Variants in UBE2H observed in about 807,000 individuals in gnomAD.
The protein encoded by UBE2H is ubiquitin-conjugating enzyme E2 H.
UBE2H carries 3 observed loss-of-function variants against 29.0 expected under a neutral mutation model. The ratio of observed to expected loss-of-function variants is 0.10; its 90% CI spans 0.05 to 0.27. The LOEUF (loss-of-function observed/expected upper bound fraction) is 0.27, where lower values mean the gene tolerates loss of function less well. UBE2H is among the 10% of genes least tolerant of loss of function. The probability of loss-of-function intolerance (pLI) is 1.00; values close to 1 mark genes in which losing one functional copy is unlikely to be tolerated. For synonymous variants in UBE2H, 69 were observed against 82.9 expected, an observed-to-expected ratio of 0.83 and a Z score of 0.91; for missense variants, 68 against 228.2, an observed-to-expected ratio of 0.30 and a Z score of 4.52.
At chr7:129,884,422 A>G (rs1354524466) in intron 1 of UBE2H, among the ~76,000 whole-genome samples, 1 of 151,918 alleles carries the variant, frequency 6.6e-6, no homozygotes, top group African/African-American at 2.4e-5. Context: ...ATCTCAAAAA[A>G]AAAAAAAAAA....
At chr7:129,945,404 GGAT>G (rs1261074113) in intron 1 of UBE2H, among the ~76,000 whole-genome samples, 1 of 152,072 alleles carries the variant, frequency 6.6e-6, no homozygotes, top group Non-Finnish European at 1.5e-5. Flanking sequence ...CCTAAATTGA[GGAT>G]CACCATTATC....
chr7:129,877,155 C>T (rs1026383536), intron 3 of UBE2H, among the ~76,000 whole-genome samples: 3 of 152,076 alleles, frequency 2.0e-5, no homozygotes. Context: ...CACAAACACA[C>T]AAAATAGAAC....
chr7:129,861,702 G>A (rs963201719), intron 3 of UBE2H, among the ~76,000 whole-genome samples: 1 of 152,128 alleles, frequency 6.6e-6, no homozygotes, highest in Admixed American at 6.5e-5. Flanking sequence ...GACCAGCCTG[G>A]CCAACATGGT....
intron 1 of UBE2H, among the ~76,000 whole-genome samples, chr7:129,924,616 T>TCTCACACACA (rs1554439772): frequency 6.9e-6 from 1 of 143,924 alleles, no homozygotes; most frequent in Non-Finnish European, 1.5e-5. Context: ...CCTTTTACAT[T>TCTCACACACA]CACACACACA....
At chr7:129,852,158 C>T (rs991413707) in intron 5 of UBE2H, among the ~76,000 whole-genome samples, 4 of 152,294 alleles carry the variant, frequency 2.6e-5, no homozygotes, top group Non-Finnish European at 4.4e-5. Context: ...TGTGTAGTTA[C>T]ACTAAAATGT....
chr7:129,930,772 G>A (rs2116492676), intron 1 of UBE2H, among the ~76,000 whole-genome samples: 1 of 151,934 alleles, frequency 6.6e-6, no homozygotes, highest in South Asian at 2.1e-4. Context: ...GCCGGGCATG[G>A]TGGTACGCGC....
At chr7:129,917,126 G>A (rs750045438) in intron 1 of UBE2H, among the ~76,000 whole-genome samples, 57 of 152,078 alleles carry the variant, frequency 3.7e-4, no homozygotes, top group Non-Finnish European at 6.6e-4. Flanking sequence ...CCTGGGAGGT[G>A]GAAGTTGCAG....
chr7:129,897,331 C>T (rs1329092838), intron 1 of UBE2H, among the ~76,000 whole-genome samples: 2 of 152,134 alleles, frequency 1.3e-5, no homozygotes, highest in Non-Finnish European at 2.9e-5. Flanking sequence ...GAGGTTAGAA[C>T]CCACTAGTCT....
At chr7:129,933,959 CCATAA>C (rs1183590604) in intron 1 of UBE2H, among the ~76,000 whole-genome samples, 1 of 152,110 alleles carries the variant, frequency 6.6e-6, no homozygotes, top group African/African-American at 2.4e-5. Context: ...AAAAAGTGGG[CCATAA>C]CATCTCAAAG....
intron 1 of UBE2H, among the ~76,000 whole-genome samples, chr7:129,904,316 C>G (rs75541581): frequency 6.6e-6 from 1 of 151,592 alleles, no homozygotes. Context: ...ATGGGGATCT[C>G]GCTGTGTTGG....
intron 1 of UBE2H, among the ~76,000 whole-genome samples, chr7:129,947,980 G>A (rs543092292): frequency 3.3e-5 from 5 of 151,992 alleles, no homozygotes; most frequent in Admixed American, 1.3e-4. Flanking sequence ...AGCCTCCCAA[G>A]TAGCTGGGAC....
chr7:129,848,836 C>CTTTTTTTTTTTTTTTTT (rs34279042), intron 5 of UBE2H, among the ~76,000 whole-genome samples: 1 of 128,748 alleles, frequency 7.8e-6, no homozygotes, highest in Non-Finnish European at 1.6e-5. Flanking sequence ...AACCAGGTAG[C>CTTTTTTTTTTTTTTTTT]TTTTTTTTTT....
chr7:129,840,002 G>A (rs549085690), intron 5 of UBE2H, among the ~76,000 whole-genome samples: 9 of 151,982 alleles, frequency 5.9e-5, no homozygotes, highest in Admixed American at 1.3e-4. Flanking sequence ...GAACCACTGC[G>A]CTCAGCCTTG....
At chr7:129,945,539 T>G (rs1248950057) in intron 1 of UBE2H, among the ~76,000 whole-genome samples, 1 of 152,194 alleles carries the variant, frequency 6.6e-6, no homozygotes, top group Non-Finnish European at 1.5e-5. Flanking sequence ...AAGAGCCCGC[T>G]GAGTGTAGGG....
chr7:129,885,690 T>C (rs1806345702), intron 1 of UBE2H, among the ~76,000 whole-genome samples: 1 of 152,148 alleles, frequency 6.6e-6, no homozygotes, highest in Admixed American at 6.6e-5. Flanking sequence ...AAAAGCAAAC[T>C]GAACTAAACC....
At chr7:129,842,330 G>A (rs1431019320) in intron 5 of UBE2H, among the ~76,000 whole-genome samples, 1 of 152,166 alleles carries the variant, frequency 6.6e-6, no homozygotes, top group African/African-American at 2.4e-5. Context: ...CTACTTGGGA[G>A]GCTGAGGCAG....
intron 1 of UBE2H, among the ~76,000 whole-genome samples, chr7:129,925,684 T>C (rs893896754): frequency 6.6e-6 from 1 of 152,118 alleles, no homozygotes; most frequent in African/African-American, 2.4e-5. Context: ...CTCAGAAAAG[T>C]TCCTTTGGTC....
chr7:129,874,274 G>C (rs2116356741), intron 3 of UBE2H, among the ~76,000 whole-genome samples: 1 of 151,060 alleles, frequency 6.6e-6, no homozygotes, highest in African/African-American at 2.4e-5. Context: ...ATCTTTAGTG[G>C]CTATAAGCCC....
Position 129,890,210 on chromosome 7 carries a change from A to G in UBE2H, c.54-9239T>C, listed in dbSNP as rs554878006. ...TCTGAGACCTTAATTTTAGCCTCTC[A>G]GACAGGTAAAGTGATACCACATATA... is the stretch of plus-strand genomic sequence containing the variant. On this transcript the variant is annotated intron_variant, in intron 1 of 6. Transcript: ENST00000355621. Among the ~76,000 whole-genome samples the G allele has an allele frequency of 2.6e-5, 4 of 152,148 alleles. No homozygotes were observed. The Middle Eastern group carries it at 0.014, about 518-fold the overall frequency.
Sources: allele counts gnomAD v4.1 joint callset (sites outside exome capture counted in the v4.1 genomes callset), GRCh38; gene constraint gnomAD v4.1.1; transcripts MANE v1.5; gene names NCBI Gene and HGNC (gene_info 2026-07-23, HGNC 2026-07-21).